The following CWH43 variants were observed in gnomAD, a reference collection of about 807,000 sequenced individuals.
CWH43 encodes cell wall biogenesis 43 C-terminal homolog, also known as PGAP2-interacting protein.
CWH43 carries 91 observed loss-of-function variants against 85.7 expected under a neutral mutation model. The ratio of observed to expected loss-of-function variants is 1.06; its 90% CI spans 0.90 to 1.26. The LOEUF (loss-of-function observed/expected upper bound fraction) is 1.26. Ranked by LOEUF, CWH43 falls within the 50% of genes most tolerant of loss-of-function variation. CWH43 has a pLI of 0.00. For missense variants in CWH43, 869 were observed against 839.2 expected (o/e 1.04, Z -0.44); for synonymous variants, 323 against 293.6 (o/e 1.10, Z -1.02).
intron 8 of CWH43, chr4:49,016,676 T>C: frequency 2.6e-6 from 2 of 764,030 alleles, no homozygotes; most frequent in Non-Finnish European, 4.9e-6. Context: ...ACTGGGCTTC[T>C]GGGCTGCTTA....
chr4:49,039,312 T>C (rs1303318317), intron 13 of CWH43, among the ~76,000 whole-genome samples: 1 of 29,926 alleles, frequency 3.3e-5, no homozygotes, highest in Admixed American at 7.7e-4. Flanking sequence ...GACTGATATA[T>C]ATATATATAT....
Position 49,006,109 on chromosome 4 carries a change from T to C in CWH43, c.1061-1092T>C, listed in dbSNP as rs372217313. 6.2e-4 allele frequency among the ~76,000 whole-genome samples: 94 copies of C among 152,342 alleles called. 1 individual carries two copies. The highest frequency in any genetic ancestry group is 2.2e-3 in the African/African-American group (90 of 41,590). On this transcript the variant is annotated intron_variant, in intron 7 of 15. Transcript: ENST00000226432. ...TCTTCTGATTTATTTCAGGTGTGTG[T>C]ACTCTCTCCTGCTTTGTTTTCTTGT... is the stretch of plus-strand genomic sequence containing the variant.
chr4:49,016,105 T>G (rs1325160512), intron 8 of CWH43, among the ~76,000 whole-genome samples: 1 of 152,166 alleles, frequency 6.6e-6, no homozygotes, highest in Non-Finnish European at 1.5e-5. Flanking sequence ...CTTGGAACAT[T>G]TTTAGGGGAA....
In CWH43 at chr4:48,992,640, A is replaced by G. The variant is rs954486271; in HGVS notation, c.511+550A>G. The stretch of plus-strand genomic sequence containing the variant: ...CCCAGGGGCCAGCTTTCTCCGAGAC[A>G]GAAACATGCCCAGCTTAGAGTTTGT... On this transcript the variant is annotated intron_variant, in intron 4 of 15. Transcript: ENST00000226432. The surrounding 1 kb of genome is among the most constrained non-coding windows in gnomAD (Gnocchi z 4.3). Among the ~76,000 whole-genome samples the G allele has an allele frequency of 2.0e-5, 3 of 152,224 alleles. No individual in the cohort carries two copies. The highest frequency in any genetic ancestry group is 6.5e-5 in the Admixed American group (1 of 15,272).
chr4:49,025,514 C>G (rs1043975535), intron 9 of CWH43, among the ~76,000 whole-genome samples: 1 of 152,188 alleles, frequency 6.6e-6, no homozygotes, highest in African/African-American at 2.4e-5. Flanking sequence ...GACTCAAGTG[C>G]TGCTCTTCAG....
rs549508109 is a variant in CWH43, at chr4:49,061,693, A to G, written c.2022-119A>G. 1.6e-5 allele frequency: 15 copies of G among 922,692 alleles called. No homozygotes were observed. In the African/African-American group the frequency reaches 2.2e-4, roughly 14 times the overall value. 57.2% of individuals were successfully genotyped at this position (922,692 alleles called of 1,614,324 possible). A position where few individuals can be genotyped will look rare whatever the true frequency, so the allele number is the denominator to read the frequency against. ...TTAGTTTGCCTTTCCTATATGCATG[A>G]ATCTTTTTTATTTATTCATTTGCTA... On this transcript the variant is annotated intron_variant, in intron 15 of 15. Coordinates refer to ENST00000226432, the MANE Select transcript of CWH43 (RefSeq NM_025087.3).
At chr4:49,004,137 A>G (rs1783080428) in intron 7 of CWH43, 145 bp downstream of exon 7, 6 of 699,364 alleles carry the variant, frequency 8.6e-6, no homozygotes, top group Middle Eastern at 4.1e-4. Context: ...TGATTAAAAC[A>G]CAAAACCTGG....
rs139707371 is a variant in CWH43 at position 49,058,674 on chromosome 4, T to G, written c.2022-3138T>G. 1.1e-3 allele frequency among the ~76,000 whole-genome samples: 168 copies of G among 152,328 alleles called. 3 individuals carry two copies. In the East Asian group the frequency reaches 0.024, roughly 22 times the overall value. On this transcript the variant is annotated intron_variant, in intron 15 of 15. Coordinates refer to ENST00000226432, the MANE Select transcript of CWH43 (RefSeq NM_025087.3). ...TCTAATGATGATGAACTCCTGCAGC[T>G]TTTGTCTCTTTGGGAAAGTCCTTAC...
rs76689309 is a variant in CWH43 at position 49,047,189 on chromosome 4, C to T, written c.1865+2342C>T. Among the ~76,000 whole-genome samples, 437 of 152,308 alleles carry T rather than the reference C, an allele frequency of 2.9e-3. 3 individuals carry two copies. The highest frequency in any genetic ancestry group is 0.01 in the African/African-American group (425 of 41,560). On this transcript the variant is annotated intron_variant, in intron 14 of 15. Coordinates refer to ENST00000226432, the MANE Select transcript of CWH43 (RefSeq NM_025087.3). ...TGATATAGAATCATGGATTCAACTC[C>T]TCTCCCAGTGGGGATATGGCTTGTT...
At chr4:49,035,755 C>T (rs1023818862) in intron 12 of CWH43, among the ~76,000 whole-genome samples, 3 of 152,072 alleles carry the variant, frequency 2.0e-5, no homozygotes, top group Non-Finnish European at 2.9e-5. Context: ...GATTTATCTC[C>T]TGAGAAAATG....
chr4:49,047,316 G>A (rs1784653699), intron 14 of CWH43, among the ~76,000 whole-genome samples: 1 of 152,164 alleles, frequency 6.6e-6, no homozygotes. Flanking sequence ...TGGATGCCAG[G>A]CAATAGGGAT....
intron 5 of CWH43, among the ~76,000 whole-genome samples, chr4:48,995,682 C>T (rs1344975120): frequency 6.6e-6 from 1 of 152,150 alleles, no homozygotes; most frequent in African/African-American, 2.4e-5. Flanking sequence ...TTTTGTCTGT[C>T]CACCTCATCA....
chr4:49,023,435 C>A (rs931250882), intron 9 of CWH43, among the ~76,000 whole-genome samples: 1 of 152,160 alleles, frequency 6.6e-6, no homozygotes, highest in African/African-American at 2.4e-5. Flanking sequence ...AGTGCAATGG[C>A]ACAATCTCGG....
At chr4:49,030,730 G>T in intron 10 of CWH43, 95 bp from the exon 11 acceptor site, 1 of 1,238,712 alleles carries the variant, frequency 8.1e-7, no homozygotes, top group East Asian at 2.8e-5. Context: ...TATCAGTAAA[G>T]AAAAAAAGGT....
At chr4:49,038,254 C>A (rs543995153) in intron 13 of CWH43, 74 bp downstream of exon 13, 3 of 1,327,988 alleles carry the variant, frequency 2.3e-6, no homozygotes, top group South Asian at 1.6e-5. Context: ...TTAAAAAAAC[C>A]AACCTCACCT....
At chr4:49,058,057 GT>G (rs1305610255) in intron 15 of CWH43, among the ~76,000 whole-genome samples, 1 of 151,896 alleles carries the variant, frequency 6.6e-6, no homozygotes, top group African/African-American at 2.4e-5. Flanking sequence ...TTTTCACTCT[GT>G]CTTTTGATTA....
chr4:49,037,661 T>C (rs1256568915), intron 12 of CWH43, among the ~76,000 whole-genome samples: 2 of 152,216 alleles, frequency 1.3e-5, no homozygotes, highest in Non-Finnish European at 2.9e-5. Context: ...TTACCAGTAT[T>C]CCTGGCTCTT....
intron 5 of CWH43, among the ~76,000 whole-genome samples, chr4:48,997,259 A>G (rs1168019921): frequency 6.9e-6 from 1 of 144,136 alleles, no homozygotes; most frequent in Non-Finnish European, 1.5e-5. Flanking sequence ...AGGTCTCACT[A>G]TTTTTTCCAG....
intron 15 of CWH43, among the ~76,000 whole-genome samples, chr4:49,060,042 A>T (rs1380400957): frequency 6.6e-6 from 1 of 152,044 alleles, no homozygotes; most frequent in Non-Finnish European, 1.5e-5. Context: ...GAGCAGGCCT[A>T]GATTCTGTTA....
Sources: gnomAD v4.1 joint callset for allele counts (sites outside exome capture counted in the v4.1 genomes callset) on GRCh38, gnomAD v4.1.1 for gene constraint, Gnocchi (gnomAD v3.1) non-coding constraint, MANE v1.5 for transcripts, NCBI Gene and HGNC (gene_info 2026-07-23, HGNC 2026-07-21) for gene names.